The following COBLL1 variants were observed in gnomAD, a reference collection of about 807,000 sequenced individuals.
COBLL1 encodes cordon-bleu protein-like 1.
In COBLL1, 50 loss-of-function variants were observed where a neutral mutation model predicts 94.8. The ratio of observed to expected loss-of-function variants is 0.53; its 90% CI spans 0.42 to 0.67. The LOEUF (loss-of-function observed/expected upper bound fraction) is 0.67. COBLL1 is among the 30% of genes least tolerant of loss of function. COBLL1 has a pLI of 0.00. For missense variants in COBLL1, 1,362 were observed against 1,348.7 expected, an observed-to-expected ratio of 1.01 and a Z score of -0.15; for synonymous variants, 448 against 473.8, an observed-to-expected ratio of 0.95 and a Z score of 0.71.
chr2:164,761,962 A>G (rs1056600069), intron 2 of COBLL1, among the ~76,000 whole-genome samples: 3 of 152,206 alleles, frequency 2.0e-5, no homozygotes, highest in Non-Finnish European at 4.4e-5. Context: ...GCCATCTCAT[A>G]AGAGAAGTAG....
chr2:164,703,631 TTAAAGA>T (rs1341445876), intron 9 of COBLL1: 1 of 421,512 alleles, frequency 2.4e-6, no homozygotes, highest in Non-Finnish European at 4.7e-6. Context: ...TAAATACCAC[TTAAAGA>T]TGAAAGATTC....
chr2:164,794,751 C>T (rs1326271492), intron 2 of COBLL1, among the ~76,000 whole-genome samples: 1 of 130,000 alleles, frequency 7.7e-6, no homozygotes, highest in Non-Finnish European at 1.7e-5. Context: ...AAGGCAATTT[C>T]AACCCCCTCA....
chr2:164,820,089 C>T (rs1189555725), intron 2 of COBLL1, among the ~76,000 whole-genome samples: 1 of 148,952 alleles, frequency 6.7e-6, no homozygotes, highest in African/African-American at 2.5e-5. Context: ...CCACCTTGGC[C>T]TCCCAAAGTG....
intron 2 of COBLL1, among the ~76,000 whole-genome samples, chr2:164,753,762 G>A (rs1400549724): frequency 7.6e-6 from 1 of 131,070 alleles, no homozygotes; most frequent in Non-Finnish European, 1.6e-5. Context: ...TTTTTTTTAA[G>A]ACAGAGGCTC....
intron 3 of COBLL1, chr2:164,738,316 G>A (rs1323858503): frequency 1.3e-5 from 2 of 152,128 alleles, no homozygotes; most frequent in Non-Finnish European, 1.5e-5. Flanking sequence ...GAGGAAAAAG[G>A]AACTAATACT....
At chr2:164,835,398 CA>C (rs750827077) in intron 2 of COBLL1, among the ~76,000 whole-genome samples, 1 of 151,902 alleles carries the variant, frequency 6.6e-6, no homozygotes, top group African/African-American at 2.4e-5. Flanking sequence ...ATAAGCCAGT[CA>C]AAAAAAGACA....
chr2:164,814,570 A>G (rs1684623476), intron 2 of COBLL1, among the ~76,000 whole-genome samples: 1 of 152,016 alleles, frequency 6.6e-6, no homozygotes. Flanking sequence ...GGAGAGTAAA[A>G]CAATAAGGTA....
chr2:164,792,710 G>T (rs533703957), intron 2 of COBLL1, among the ~76,000 whole-genome samples: 2 of 152,200 alleles, frequency 1.3e-5, no homozygotes, highest in South Asian at 4.2e-4. Flanking sequence ...AGACATAATT[G>T]TCCCTTTCAA....
chr2:164,789,300 G>T (rs1683053982), intron 2 of COBLL1, among the ~76,000 whole-genome samples: 1 of 152,130 alleles, frequency 6.6e-6, no homozygotes, highest in South Asian at 2.1e-4. Context: ...TGGTAGAAAT[G>T]GGGAAGAAAT....
intron 2 of COBLL1, among the ~76,000 whole-genome samples, chr2:164,799,223 A>T (rs1268141740): frequency 1.3e-5 from 2 of 152,104 alleles, no homozygotes; most frequent in Non-Finnish European, 2.9e-5. Flanking sequence ...GAAGCAAAGG[A>T]TTAGAAGGAA....
At chr2:164,661,503 A>G (rs1472748162) in intron 2 of COBLL1, among the ~76,000 whole-genome samples, 1 of 152,142 alleles carries the variant, frequency 6.6e-6, no homozygotes, top group Non-Finnish European at 1.5e-5. Flanking sequence ...TTTACCACTG[A>G]CATTTTAAGC....
intron 2 of COBLL1, among the ~76,000 whole-genome samples, chr2:164,806,458 C>T (rs945547805): frequency 1.3e-5 from 2 of 152,068 alleles, no homozygotes; most frequent in Non-Finnish European, 2.9e-5. Context: ...TCATTTTGTG[C>T]AATTTCATTG....
chr2:164,824,288 G>A (rs1685325884), intron 2 of COBLL1, among the ~76,000 whole-genome samples: 1 of 151,972 alleles, frequency 6.6e-6, no homozygotes, highest in Non-Finnish European at 1.5e-5. Context: ...GGCTGAGACG[G>A]GAGAATTGCT....
chr2:164,722,393 T>C (rs1259785802), intron 6 of COBLL1, 32 bp downstream of exon 6: 1 of 1,495,982 alleles, frequency 6.7e-7, no homozygotes, highest in Admixed American at 2.1e-5. Context: ...AATTGAAGAA[T>C]CTTACAAAAT....
rs188285778 is a variant in COBLL1, at chr2:164,754,555, T to C, written c.42-10680A>G. ...CCCAGTAAAGACTTGAGCCCCAGCC[T>C]ACACCTTGACTGCAGTCTCATCACT... On this transcript the variant is annotated intron_variant, in intron 2 of 13. Transcript: ENST00000652658. Among the ~76,000 whole-genome samples the C allele has an allele frequency of 1.0e-3, 152 of 152,264 alleles. 1 individual carries two copies. The highest frequency in any genetic ancestry group is 3.6e-3 in the African/African-American group (150 of 41,556).
At chr2:164,818,943 T>TC (rs60469107) in intron 2 of COBLL1, among the ~76,000 whole-genome samples, 4 of 151,376 alleles carry the variant, frequency 2.6e-5, no homozygotes, top group Admixed American at 6.6e-5. Flanking sequence ...CTTTTTTTTT[T>TC]ATTTTTTGGT....
At chr2:164,722,655 C>T (rs928899638) in intron 5 of COBLL1, 133 bp from the exon 6 acceptor site, 5 of 446,554 alleles carry the variant, frequency 1.1e-5, no homozygotes, top group Non-Finnish European at 2.0e-5. Flanking sequence ...CAAAGAAGCA[C>T]CTTAAATCTT....
chr2:164,764,971 T>C (rs1403921110), intron 2 of COBLL1, among the ~76,000 whole-genome samples: 3 of 152,140 alleles, frequency 2.0e-5, no homozygotes, highest in Non-Finnish European at 4.4e-5. Flanking sequence ...GGGTTTCCTT[T>C]AAAGAATTCT....
chr2:164,805,331 C>CTATATATATATATA (rs1287905601), intron 2 of COBLL1, among the ~76,000 whole-genome samples: 9 of 21,296 alleles, frequency 4.2e-4, no homozygotes, highest in East Asian at 2.1e-3. Context: ...CTCTCTCTCT[C>CTATATATATATATA]TCTCTCTATA....
Sources: gnomAD v4.1 joint callset for allele counts (sites outside exome capture counted in the v4.1 genomes callset) on GRCh38, gnomAD v4.1.1 for gene constraint, MANE v1.5 for transcripts, NCBI Gene and HGNC (gene_info 2026-07-23, HGNC 2026-07-21) for gene names.